The following RGS22 variants were observed in gnomAD, a reference collection of about 807,000 sequenced individuals.
RGS22 encodes the protein regulator of G protein signaling 22, also known as regulator of G-protein signaling 22.
Under a neutral mutation model 172.9 loss-of-function variants are expected in RGS22, and 148 were observed. That is an observed-to-expected ratio of 0.86 (90% CI 0.75 to 0.98). RGS22 has a LOEUF of 0.98. RGS22 is among the 50% of genes least tolerant of loss of function. The pLI, the probability that RGS22 is intolerant of heterozygous loss-of-function variation, is 0.00. For missense variants in RGS22, 1,347 were observed against 1,440.8 expected, an observed-to-expected ratio of 0.93 and a Z score of 1.05; for synonymous variants, 458 against 480.2, an observed-to-expected ratio of 0.95 and a Z score of 0.60.
At chr8:100,021,493 G>T (rs1253944869) in intron 14 of RGS22, among the ~76,000 whole-genome samples, 1 of 152,128 alleles carries the variant, frequency 6.6e-6, no homozygotes, top group African/African-American at 2.4e-5. Flanking sequence ...GAAAGTACAA[G>T]GAACATATTT....
intron 14 of RGS22, among the ~76,000 whole-genome samples, chr8:100,035,514 A>G (rs537278594): frequency 6.6e-6 from 1 of 152,334 alleles, no homozygotes; most frequent in African/African-American, 2.4e-5. Flanking sequence ...TGTTGGTGGG[A>G]GTATAAATTA....
intron 19 of RGS22, 103 bp downstream of exon 19, chr8:99,999,159 A>T (rs1814707819): frequency 6.2e-5 from 11 of 177,596 alleles, no homozygotes; most frequent in South Asian, 1.7e-4. Context: ...CCCATTCCTT[A>T]AAAAAAAAAA....
intron 1 of RGS22, 65 bp from the exon 2 acceptor site, chr8:100,105,467 A>G: frequency 7.3e-7 from 1 of 1,366,594 alleles, no homozygotes; most frequent in East Asian, 2.3e-5. Flanking sequence ...AAATGAAATC[A>G]TGGGAGACAG....
intron 10 of RGS22, 26 bp downstream of exon 10, chr8:100,052,776 G>T: frequency 6.2e-7 from 1 of 1,602,248 alleles, no homozygotes; most frequent in South Asian, 1.1e-5. Context: ...ACTTAGTAGA[G>T]ATCACAGCAT....
intron 23 of RGS22, among the ~76,000 whole-genome samples, chr8:99,977,234 G>A (rs1490920192): frequency 6.7e-6 from 1 of 150,106 alleles, no homozygotes; most frequent in Non-Finnish European, 1.5e-5. Context: ...CTCCCAAGAA[G>A]CTAGGACTAC....
chr8:100,038,753 T>G (rs1416200985), intron 14 of RGS22, 178 bp downstream of exon 14: 1 of 410,340 alleles, frequency 2.4e-6, no homozygotes, highest in Non-Finnish European at 4.3e-6. Context: ...AACTGAAAAC[T>G]CACAAATCAT....
intron 14 of RGS22, among the ~76,000 whole-genome samples, chr8:100,029,612 AG>A (rs1818553022): frequency 6.7e-6 from 1 of 149,948 alleles, no homozygotes; most frequent in South Asian, 2.2e-4. Flanking sequence ...CTGAAGCAGG[AG>A]AATCATTTGA....
Position 100,066,290 on chromosome 8 carries a change from A to G in RGS22, c.601T>C (p.Tyr201His). ...GCAAACCAATCTTTTGTTTGAGTATAGGAAGCCTAGGAAGAAGGGAGCATA... is the reference window on the plus strand; with the variant it reads ...GCAAACCAATCTTTTGTTTGAGTATGGGAAGCCTAGGAAGAAGGGAGCATA... Reference protein sequence around the residue: ...KFYVSLGEASYTQTKDWFALA... With the variant: ...KFYVSLGEASHTQTKDWFALA... Residue 201 changes from tyrosine (Y) to histidine (H), a missense_variant, in exon 7 of 28, where the codon TAT (tyrosine) becomes CAT (histidine). Physicochemically the swap from Tyr to His is moderately conservative, Grantham distance 83 (BLOSUM62 2). Transcript: ENST00000360863. 1 of 1,612,672 alleles carries G rather than the reference A, an allele frequency of 6.2e-7. No homozygotes were observed. The highest frequency in any genetic ancestry group is 1.1e-5 in the South Asian group (1 of 91,016).
intron 18 of RGS22, among the ~76,000 whole-genome samples, chr8:100,001,747 A>G (rs1350564943): frequency 6.6e-6 from 1 of 152,174 alleles, no homozygotes; most frequent in Non-Finnish European, 1.5e-5. Context: ...GGATTTTCAA[A>G]GATTGATTAT....
At chr8:100,013,791 A>G (rs1563616498) in intron 14 of RGS22, among the ~76,000 whole-genome samples, 2 of 152,106 alleles carry the variant, frequency 1.3e-5, no homozygotes, top group African/African-American at 4.8e-5. Context: ...TAAATCATGC[A>G]CCAGCTGCTT....
intron 23 of RGS22, among the ~76,000 whole-genome samples, chr8:99,973,737 C>T (rs368139990): frequency 6.6e-6 from 1 of 151,612 alleles, no homozygotes; most frequent in East Asian, 1.9e-4. Context: ...GGTGTAGTGG[C>T]GGGCGCCTGT....
intron 23 of RGS22, among the ~76,000 whole-genome samples, chr8:99,976,006 A>G (rs2131165420): frequency 6.6e-6 from 1 of 152,286 alleles, no homozygotes; most frequent in East Asian, 1.9e-4. Context: ...CATGGCCAAC[A>G]TGGTGAAACC....
intron 2 of RGS22, among the ~76,000 whole-genome samples, chr8:100,100,714 C>G (rs1311025027): frequency 6.6e-6 from 1 of 152,086 alleles, no homozygotes; most frequent in Non-Finnish European, 1.5e-5. Context: ...GGGAAATACC[C>G]TATGTTTATT....
intron 14 of RGS22, among the ~76,000 whole-genome samples, chr8:100,027,094 CT>C (rs886705940): frequency 2.0e-5 from 3 of 152,054 alleles, no homozygotes; most frequent in African/African-American, 7.2e-5. Context: ...GGTGGTGTGT[CT>C]GTAGTTTCAG....
chr8:100,001,339 G>A (rs1484369641), intron 18 of RGS22, among the ~76,000 whole-genome samples: 1 of 150,358 alleles, frequency 6.7e-6, no homozygotes, highest in Non-Finnish European at 1.5e-5. Context: ...TGGGTTTAAG[G>A]GATTCTCCTG....
intron 14 of RGS22, among the ~76,000 whole-genome samples, chr8:100,036,661 C>T (rs1371551497): frequency 6.6e-6 from 1 of 152,120 alleles, no homozygotes; most frequent in Non-Finnish European, 1.5e-5. Flanking sequence ...AGTGGTGGCG[C>T]AATCATAGCT....
chr8:99,979,078 G>C (rs955055334), intron 22 of RGS22, among the ~76,000 whole-genome samples: 2 of 152,082 alleles, frequency 1.3e-5, no homozygotes, highest in African/African-American at 2.4e-5. Context: ...GTAAAATCTA[G>C]AGATACTTTA....
At chr8:99,962,475 T>G in intron 26 of RGS22, 32 bp from the exon 27 acceptor site, 1 of 1,608,384 alleles carries the variant, frequency 6.2e-7, no homozygotes, top group Non-Finnish European at 8.5e-7. Flanking sequence ...ATGTATATAT[T>G]TAGTCTTTCC....
intron 12 of RGS22, among the ~76,000 whole-genome samples, chr8:100,041,217 G>A (rs866513667): frequency 6.6e-5 from 10 of 152,232 alleles, no homozygotes; most frequent in Middle Eastern, 3.4e-3. Context: ...GGCTGGGTGC[G>A]GTGGCTCATG....
Sources: allele counts gnomAD v4.1 joint callset (sites outside exome capture counted in the v4.1 genomes callset), GRCh38; gene constraint gnomAD v4.1.1; transcripts MANE v1.5; gene names NCBI Gene and HGNC (gene_info 2026-07-23, HGNC 2026-07-21).